The following MCC variants were observed in gnomAD, a reference collection of about 807,000 sequenced individuals.
MCC encodes MCC regulator of Wnt signaling pathway.
MCC carries 90 observed loss-of-function variants against 116.2 expected under a neutral mutation model. That is an observed-to-expected ratio of 0.77 (90% confidence interval 0.65 to 0.92). The LOEUF is 0.92. MCC is among the 40% of genes least tolerant of loss of function. MCC has a pLI of 0.00. For synonymous variants in MCC, 578 were observed against 510.5 expected (o/e 1.13, Z -1.78); for missense variants, 1,516 against 1,312.2 (o/e 1.16, Z -2.40).
intron 3 of MCC, chr5:113,269,020 G>C (rs779831769): frequency 6.9e-6 from 2 of 288,686 alleles, no homozygotes; most frequent in Non-Finnish European, 1.0e-5. Context: ...AACAAAAGAA[G>C]AATGGCAGCA....
intron 1 of MCC, among the ~76,000 whole-genome samples, chr5:113,486,499 T>C (rs991008604): frequency 6.6e-6 from 1 of 152,218 alleles, no homozygotes; most frequent in African/African-American, 2.4e-5. Flanking sequence ...TAGAAAAGGA[T>C]AGCACGCTGC....
At chr5:113,465,559 G>C (rs568982060) in intron 1 of MCC, among the ~76,000 whole-genome samples, 39 of 152,204 alleles carry the variant, frequency 2.6e-4, no homozygotes, top group Non-Finnish European at 1.0e-4. Context: ...CTTATATTTT[G>C]CAAAAGGTAT....
At chr5:113,308,647 A>C (rs1037408047) in intron 3 of MCC, among the ~76,000 whole-genome samples, 2 of 152,050 alleles carry the variant, frequency 1.3e-5, no homozygotes. Flanking sequence ...ACATAGGGAG[A>C]CCTTTGTCTC....
At chr5:113,231,061 C>T (rs12521391) in intron 3 of MCC, among the ~76,000 whole-genome samples, 14,281 of 151,656 alleles carry the variant, frequency 0.094, 1,107 homozygotes, top group Admixed American at 0.25. Flanking sequence ...AAAGCAAATC[C>T]TCTTCTCCAA....
At chr5:113,248,298 G>A (rs1210484688) in intron 3 of MCC, among the ~76,000 whole-genome samples, 1 of 150,322 alleles carries the variant, frequency 6.7e-6, no homozygotes, top group African/African-American at 2.4e-5. Context: ...TTACAACTCA[G>A]TAGTACAGTA....
chr5:113,273,683 GC>G (rs765335805), intron 3 of MCC, among the ~76,000 whole-genome samples: 1 of 152,274 alleles, frequency 6.6e-6, no homozygotes, highest in East Asian at 1.9e-4. Flanking sequence ...ATGGGGTGGT[GC>G]CAAGGAGAAT....
Position 113,340,607 on chromosome 5 carries a change from T to A in MCC, c.539A>T (p.His180Leu). 1.2e-6 allele frequency: 2 copies of A among 1,614,172 alleles called. No homozygotes were observed. Among genetic ancestry groups the A allele is most frequent in the Non-Finnish European group, 1.7e-6 (2 of 1,180,012 alleles). Residue 180 changes from histidine to leucine, a missense_variant, in exon 3 of 19, where the codon CAT becomes CTT. Coordinates refer to ENST00000408903, the MANE Select transcript of MCC (RefSeq NM_001085377.2). Reference protein sequence around the residue: ...KLLEYGGSSLHQQAALHKLLT... With the variant: ...KLLEYGGSSLLQQAALHKLLT... ...CAGTTTGTGGAGAGCAGCCTGCTGA[T>A]GCAAAGAGCTTCCGCCATACTCGAG... is the stretch of plus-strand genomic sequence containing the variant.
intron 1 of MCC, among the ~76,000 whole-genome samples, chr5:113,404,229 C>G (rs746569299): frequency 6.6e-6 from 1 of 152,138 alleles, no homozygotes; most frequent in Non-Finnish European, 1.5e-5. Flanking sequence ...TCAAGGAAAC[C>G]TCTCTAATGT....
chr5:113,086,043 T>G (rs1257065692), intron 8 of MCC, among the ~76,000 whole-genome samples: 1 of 152,242 alleles, frequency 6.6e-6, no homozygotes, highest in African/African-American at 2.4e-5. Flanking sequence ...CTTGCCTGAC[T>G]GTGCTGGGGA....
intron 1 of MCC, among the ~76,000 whole-genome samples, chr5:113,389,682 A>T (rs1769357594): frequency 6.6e-6 from 1 of 152,196 alleles, no homozygotes; most frequent in Admixed American, 6.5e-5. Context: ...CCTGGCAGCC[A>T]GTGTTGATGC....
intron 3 of MCC, among the ~76,000 whole-genome samples, chr5:113,208,542 C>T (rs984165667): frequency 6.6e-6 from 1 of 152,104 alleles, no homozygotes; most frequent in Non-Finnish European, 1.5e-5. Context: ...GAACTAGGTT[C>T]TTCGAGATGG....
intron 3 of MCC, among the ~76,000 whole-genome samples, chr5:113,155,530 T>G (rs531373614): frequency 9.9e-5 from 15 of 152,208 alleles, no homozygotes; most frequent in Non-Finnish European, 2.1e-4. Context: ...TCCGGGTGAT[T>G]TTTTAAAGGA....
chr5:113,269,934 C>T (rs565598959), intron 3 of MCC, among the ~76,000 whole-genome samples: 1 of 152,296 alleles, frequency 6.6e-6, no homozygotes, highest in South Asian at 2.1e-4. Flanking sequence ...AGTATAATTA[C>T]ATTTCTGCAA....
intron 3 of MCC, among the ~76,000 whole-genome samples, chr5:113,258,269 A>G (rs556584540): frequency 1.7e-4 from 26 of 152,364 alleles, no homozygotes; most frequent in South Asian, 6.2e-4. Context: ...TGTGATGTAA[A>G]AATGTTCTTT....
chr5:113,206,839 A>G (rs539925496), intron 3 of MCC, among the ~76,000 whole-genome samples: 7 of 152,230 alleles, frequency 4.6e-5, no homozygotes, highest in Non-Finnish European at 1.0e-4. Context: ...AACCCCTTAC[A>G]GTTTTCGTAA....
At chr5:113,212,289 G>C (rs375248697) in intron 3 of MCC, among the ~76,000 whole-genome samples, 2 of 152,098 alleles carry the variant, frequency 1.3e-5, no homozygotes, top group Non-Finnish European at 2.9e-5. Context: ...ACACCAAGCA[G>C]TATGATACAC....
Position 113,043,609 on chromosome 5 carries a change from G to C in MCC, c.2677C>G (p.Pro893Ala), listed in dbSNP as rs1751875456. The C allele has an allele frequency of 2.5e-6, 4 of 1,613,980 alleles. No homozygotes were observed. In the East Asian group the frequency reaches 8.9e-5, roughly 36 times the overall value. The change falls in exon 17 of 19, where the codon CCA becomes GCA. Residue 893 changes from proline (P) to alanine (A), a missense_variant. Physicochemically the swap from Pro to Ala is conservative, Grantham distance 27. Transcript: ENST00000408903. Reference sequence around the variant, plus strand: ...CTGAGTTCGGCTAGGGACAGAGCTGGGGAGGCAGCATCAGCACACTCCTGA... The same window carrying C: ...CTGAGTTCGGCTAGGGACAGAGCTGCGGAGGCAGCATCAGCACACTCCTGA... ...PGKECADAAS[P>A]ALSLAELRTT...
intron 3 of MCC, among the ~76,000 whole-genome samples, chr5:113,164,644 G>A (rs1760677393): frequency 6.6e-6 from 1 of 152,180 alleles, no homozygotes; most frequent in Admixed American, 6.5e-5. Flanking sequence ...TCATTTCACA[G>A]ATAAGGAAAC....
chr5:113,422,006 GTAT>G (rs570774837), intron 1 of MCC, among the ~76,000 whole-genome samples: 1 of 152,178 alleles, frequency 6.6e-6, no homozygotes, highest in Non-Finnish European at 1.5e-5. Flanking sequence ...TTTTACTGAG[GTAT>G]TTGAAGGCCA....
Sources: gnomAD v4.1 joint callset for allele counts (sites outside exome capture counted in the v4.1 genomes callset) on GRCh38, gnomAD v4.1.1 for gene constraint, MANE v1.5 for transcripts, NCBI Gene and HGNC (gene_info 2026-07-23, HGNC 2026-07-21) for gene names.